Variants in PDE1A observed in about 807,000 individuals in gnomAD.
PDE1A encodes the protein phosphodiesterase 1A.
Under a neutral mutation model 61.7 loss-of-function variants are expected in PDE1A, and 35 were observed. The ratio of observed to expected loss-of-function variants is 0.57; its 90% CI spans 0.43 to 0.75. PDE1A has a LOEUF of 0.75. PDE1A is among the 30% of genes least tolerant of loss of function. PDE1A has a pLI of 0.00. For missense variants in PDE1A, 597 were observed against 630.6 expected (o/e 0.95, Z 0.57); for synonymous variants, 232 against 213.2 (o/e 1.09, Z -0.77).
At chr2:182,186,170 A>G in intron 12 of PDE1A, 91 bp from the exon 13 acceptor site, 1 of 1,369,602 alleles carries the variant, frequency 7.3e-7, no homozygotes, top group Non-Finnish European at 1.0e-6. Flanking sequence ...CCGACTAGAA[A>G]AGCAGGATAG....
chr2:182,357,451 A>G (rs908589290), intron 1 of PDE1A, among the ~76,000 whole-genome samples: 1 of 152,112 alleles, frequency 6.6e-6, no homozygotes, highest in African/African-American at 2.4e-5. Context: ...AAAAAACAGT[A>G]TTGCATGGAT....
At chr2:182,159,598 T>C (rs150498649) in intron 13 of PDE1A, among the ~76,000 whole-genome samples, 1 of 152,352 alleles carries the variant, frequency 6.6e-6, no homozygotes, top group Admixed American at 6.5e-5. Context: ...TACTTTTCCA[T>C]AGCACACTTC....
At chr2:182,560,756 C>T in the PDE1A span, among the ~76,000 whole-genome samples, 1 of 151,932 alleles carries the variant, frequency 6.6e-6, no homozygotes, top group Non-Finnish European at 1.5e-5. Context: ...GATTGCCATT[C>T]TAACTAGTGT....
intron 1 of PDE1A, among the ~76,000 whole-genome samples, chr2:182,302,503 G>A (rs1574296460): frequency 6.6e-6 from 1 of 152,184 alleles, no homozygotes; most frequent in East Asian, 1.9e-4. Context: ...ACTAAAAAAT[G>A]CTAACAATCT....
intron 2 of PDE1A, among the ~76,000 whole-genome samples, chr2:182,490,440 C>T (rs1294723770): frequency 2.0e-5 from 3 of 152,192 alleles, no homozygotes; most frequent in Non-Finnish European, 1.5e-5. Flanking sequence ...GGCTGGACCT[C>T]GGCTCACTGC....
chr2:182,444,869 A>C (rs535738932), intron 2 of PDE1A, among the ~76,000 whole-genome samples: 1 of 152,278 alleles, frequency 6.6e-6, no homozygotes, highest in East Asian at 1.9e-4. Context: ...GAATAGAACA[A>C]GGAAAAAGAA....
At chr2:182,164,128 G>A (rs944497374), downstream of PDE1A, among the ~76,000 whole-genome samples, 5 of 152,190 alleles carry the variant, frequency 3.3e-5, no homozygotes, top group African/African-American at 1.2e-4. Context: ...AAGCCATAAA[G>A]TTGGGGAGAC....
intron 13 of PDE1A, among the ~76,000 whole-genome samples, chr2:182,156,426 T>C (rs941110258): frequency 3.9e-5 from 6 of 152,104 alleles, no homozygotes; most frequent in Non-Finnish European, 7.4e-5. Context: ...GCCATGAATT[T>C]TATTACTAAG....
chr2:182,142,689 T>C (rs1690283870), downstream of PDE1A: 1 of 152,228 alleles, frequency 6.6e-6, no homozygotes, highest in Non-Finnish European at 1.5e-5. Context: ...TGCAAGGAAG[T>C]AAATTTTAAA....
chr2:182,215,581 G>T (rs929121261), intron 7 of PDE1A, among the ~76,000 whole-genome samples: 6 of 146,058 alleles, frequency 4.1e-5, no homozygotes, highest in African/African-American at 1.5e-4. Flanking sequence ...TGATAAAGGG[G>T]ATATCACCAC....
the PDE1A span, among the ~76,000 whole-genome samples, chr2:182,592,275 G>A: frequency 6.6e-6 from 1 of 152,148 alleles, no homozygotes; most frequent in Non-Finnish European, 1.5e-5. Flanking sequence ...CTGAGATGTA[G>A]CATGCTCTAC....
chr2:182,641,523 T>A, the PDE1A span, among the ~76,000 whole-genome samples: 2 of 152,204 alleles, frequency 1.3e-5, no homozygotes, highest in African/African-American at 4.8e-5. Flanking sequence ...AGCAAACCAC[T>A]AATCCAAATG....
At chr2:182,235,755 T>A (rs554803308) in intron 3 of PDE1A, among the ~76,000 whole-genome samples, 1 of 152,224 alleles carries the variant, frequency 6.6e-6, no homozygotes, top group Non-Finnish European at 1.5e-5. Flanking sequence ...ACAAAAGGCC[T>A]GGACAATGCC....
the PDE1A span, among the ~76,000 whole-genome samples, chr2:182,562,542 T>C: frequency 1.3e-5 from 2 of 152,038 alleles, no homozygotes; most frequent in Admixed American, 1.3e-4. Flanking sequence ...TCTGCCCGGC[T>C]TTGGTATCAG....
chr2:182,634,524 G>A, the PDE1A span, among the ~76,000 whole-genome samples: 13 of 152,266 alleles, frequency 8.5e-5, no homozygotes, highest in South Asian at 6.2e-4. Flanking sequence ...CTGCTTTGCC[G>A]AAAGAGGTTT....
At chr2:182,427,814 A>G (rs901843453), upstream of PDE1A, among the ~76,000 whole-genome samples, 1 of 152,218 alleles carries the variant, frequency 6.6e-6, no homozygotes, top group Non-Finnish European at 1.5e-5. Flanking sequence ...CAATAATGTC[A>G]TAAGATTCCA....
At chr2:182,665,350 A>G in the PDE1A span, among the ~76,000 whole-genome samples, 3 of 152,192 alleles carry the variant, frequency 2.0e-5, no homozygotes, top group Non-Finnish European at 4.4e-5. Flanking sequence ...AGAAGCTACA[A>G]GGAATTTAAA....
the PDE1A span, among the ~76,000 whole-genome samples, chr2:182,532,757 G>A: frequency 6.7e-6 from 1 of 149,514 alleles, no homozygotes; most frequent in Non-Finnish European, 1.5e-5. Context: ...TCAGGAGATC[G>A]ACAGGACGGT....
At chr2:182,564,976 A>T in the PDE1A span, among the ~76,000 whole-genome samples, 1 of 152,144 alleles carries the variant, frequency 6.6e-6, no homozygotes, top group Non-Finnish European at 1.5e-5. Flanking sequence ...CAAAGTTTTC[A>T]ACTTCTTTGC....
Sources: gnomAD v4.1 joint callset for allele counts (sites outside exome capture counted in the v4.1 genomes callset) on GRCh38, gnomAD v4.1.1 for gene constraint, MANE v1.5 for transcripts, NCBI Gene and HGNC (gene_info 2026-07-23, HGNC 2026-07-21) for gene names.